Variants in CYTH3 observed in about 807,000 individuals in gnomAD.
The protein encoded by CYTH3 is cytohesin-3.
Under a neutral mutation model 55.1 loss-of-function variants are expected in CYTH3, and 23 were observed. That is an observed-to-expected ratio of 0.42 (90% CI 0.30 to 0.59). CYTH3 has a LOEUF of 0.59. Ranked by LOEUF, CYTH3 falls within the 20% of genes least tolerant of loss-of-function variation. CYTH3 has a pLI of 0.20. For synonymous variants in CYTH3, 249 were observed against 194.9 expected (o/e 1.28, Z -2.31); for missense variants, 413 against 524.8 (o/e 0.79, Z 2.08).
At chr7:6,256,503 T>C (rs1293216867) in intron 1 of CYTH3, among the ~76,000 whole-genome samples, 2 of 152,242 alleles carry the variant, frequency 1.3e-5, no homozygotes, top group African/African-American at 4.8e-5. Context: ...TACCTTTAGA[T>C]GCAAGACAGT....
chr7:6,217,596 T>C (rs1412594046), intron 1 of CYTH3, among the ~76,000 whole-genome samples: 1 of 152,228 alleles, frequency 6.6e-6, no homozygotes, highest in East Asian at 1.9e-4. Flanking sequence ...TCAACAATTA[T>C]AGTCAGAGAA....
chr7:6,229,000 C>T (rs2128553153), intron 1 of CYTH3, among the ~76,000 whole-genome samples: 1 of 152,290 alleles, frequency 6.6e-6, no homozygotes, highest in South Asian at 2.1e-4. Flanking sequence ...GAACAGGATA[C>T]AGAAAGCCAC....
chr7:6,170,451 C>T lies in CYTH3; in HGVS notation c.823+84G>A. The T allele has an allele frequency of 2.3e-6, 3 of 1,297,438 alleles. No homozygotes were observed. Among genetic ancestry groups the T allele is most frequent in the Non-Finnish European group, 2.2e-6 (2 of 928,858 alleles). The allele number at this position is 1,297,438 out of a possible 1,614,324, so 80.4% of individuals were successfully genotyped here. A position where few individuals can be genotyped will look rare whatever the true frequency, so the allele number is the denominator to read the frequency against. The stretch of plus-strand genomic sequence containing the variant: ...TCTCTGCCTGCGGTGGGGGGCATTC[C>T]TACGATGAGCCTGGGAGGAACCCGA... On this transcript the variant is annotated intron_variant, in intron 9 of 12. Transcript: ENST00000350796. The surrounding 1 kb of genome is among the most constrained non-coding windows in gnomAD (Gnocchi z 7.8).
chr7:6,187,266 G>A (rs937806341), intron 3 of CYTH3, 150 bp from the exon 4 acceptor site: 18 of 734,032 alleles, frequency 2.5e-5, no homozygotes, highest in Non-Finnish European at 2.8e-5. Flanking sequence ...CCGCAGTGGC[G>A]GCAGGGGTGG....
intron 1 of CYTH3, among the ~76,000 whole-genome samples, chr7:6,266,489 C>T (rs576223412): frequency 2.0e-5 from 3 of 152,200 alleles, no homozygotes; most frequent in Non-Finnish European, 4.4e-5. Flanking sequence ...TCAGCGGCTT[C>T]ATGTACTTAG....
At chr7:6,226,164 G>C (rs987658621) in intron 1 of CYTH3, among the ~76,000 whole-genome samples, 4 of 152,138 alleles carry the variant, frequency 2.6e-5, no homozygotes, top group Non-Finnish European at 5.9e-5. Context: ...ATCTGTGATT[G>C]GCTTCCTTTT....
At chr7:6,214,355 T>A (rs139892438) in intron 1 of CYTH3, among the ~76,000 whole-genome samples, 1 of 152,228 alleles carries the variant, frequency 6.6e-6, no homozygotes, top group Admixed American at 6.5e-5. Flanking sequence ...TTTAAAAGCC[T>A]TGACTATTAG....
intron 1 of CYTH3, among the ~76,000 whole-genome samples, chr7:6,266,243 G>A (rs898441578): frequency 6.6e-6 from 1 of 152,036 alleles, no homozygotes; most frequent in Non-Finnish European, 1.5e-5. Flanking sequence ...TTGAGAATAC[G>A]GATTCTGAAA....
At position 6,186,783 on chromosome 7, in the gene CYTH3, G is replaced by A. The variant is rs368948393; in HGVS notation, c.249+267C>T. 3.6e-4 allele frequency among the ~76,000 whole-genome samples: 55 copies of A among 152,258 alleles called. 2 individuals carry two copies. The Middle Eastern group carries it at 0.027, about 75-fold the overall frequency. ...AGCCAAGCCCGGCCTGTGCTGAGTCGTCCAAGCCGTGCCTGTGAGGCTGCT... is the reference window on the plus strand; with the variant it reads ...AGCCAAGCCCGGCCTGTGCTGAGTCATCCAAGCCGTGCCTGTGAGGCTGCT... On this transcript the variant is annotated intron_variant, in intron 4 of 12. Transcript: ENST00000350796.
Position 6,203,195 on chromosome 7 carries a change from C to CA in CYTH3, c.35-12665dup, listed in dbSNP as rs565714024. 5.9e-3 allele frequency among the ~76,000 whole-genome samples: 753 copies of CA among 127,010 alleles called. 2 individuals are homozygous for CA. The highest frequency in any genetic ancestry group is 0.014 in the South Asian group (54 of 3,958). 83.3% of individuals were successfully genotyped at this position (127,010 alleles called of 152,430 possible). On this transcript the variant is annotated intron_variant, in intron 1 of 12. Coordinates refer to ENST00000350796, the MANE Select transcript of CYTH3 (RefSeq NM_004227.4). ...GTAAAAATAAAATTTTTCCCAAAGG[C>CA]AAAAAAAAAAAAATGTTGAAGATCT...
intron 1 of CYTH3, among the ~76,000 whole-genome samples, chr7:6,263,775 G>A (rs929646022): frequency 6.7e-6 from 1 of 150,058 alleles, no homozygotes; most frequent in African/African-American, 2.5e-5. Context: ...TCCAGCCTGG[G>A]AAACAGAGTG....
Position 6,170,440 on chromosome 7 carries a change from G to A in CYTH3, c.823+95C>T, listed in dbSNP as rs1783143735. The A allele has an allele frequency of 8.8e-7, 1 of 1,133,546 alleles. No individual in the cohort carries two copies. Among genetic ancestry groups the A allele is most frequent in the Non-Finnish European group, 1.3e-6 (1 of 786,714 alleles). 70.2% of individuals were successfully genotyped at this position (1,133,546 alleles called of 1,614,324 possible). ...TCTTTTTAACGTCTCTGCCTGCGGT[G>A]GGGGGCATTCCTACGATGAGCCTGG... On this transcript the variant is annotated intron_variant, in intron 9 of 12. Coordinates refer to ENST00000350796, the MANE Select transcript of CYTH3 (RefSeq NM_004227.4). The surrounding 1 kb of genome is among the most constrained non-coding windows in gnomAD (Gnocchi z 7.8).
intron 1 of CYTH3, among the ~76,000 whole-genome samples, chr7:6,256,900 A>T (rs1284905691): frequency 1.3e-5 from 2 of 152,226 alleles, no homozygotes; most frequent in African/African-American, 4.8e-5. Context: ...AAGAGCTAGC[A>T]GACTTCAAGA....
At chr7:6,182,792 G>A (rs1035575244) in intron 4 of CYTH3, among the ~76,000 whole-genome samples, 3 of 152,112 alleles carry the variant, frequency 2.0e-5, no homozygotes, top group Non-Finnish European at 4.4e-5. Flanking sequence ...TTATAGGCAT[G>A]AGCCGCCCTC....
At chr7:6,224,916 C>T (rs950378559) in intron 1 of CYTH3, among the ~76,000 whole-genome samples, 3 of 152,026 alleles carry the variant, frequency 2.0e-5, no homozygotes, top group Admixed American at 6.5e-5. Flanking sequence ...AACCTGAAAA[C>T]GTTATGTGAA....
Position 6,192,874 on chromosome 7 carries a change from A to G in CYTH3, c.35-2343T>C, listed in dbSNP as rs1021696627. Among the ~76,000 whole-genome samples, 13 of 152,100 alleles carry G rather than the reference A, an allele frequency of 8.5e-5. No individual in the cohort carries two copies. In the Middle Eastern group the frequency reaches 0.01, roughly 119 times the overall value. ...AAAGACATAACAACTCCGTGCTTAG[A>G]AAATGGGCAAATGGGGCCAGACACA... On this transcript the variant is annotated intron_variant, in intron 1 of 12. Transcript: ENST00000350796.
In CYTH3 at chr7:6,177,803, T is replaced by A. The variant is rs373098282; in HGVS notation, c.368+20A>T. ...GGCTGAGTGGCCCCAGGTAGGGCTT[T>A]GCATCCTCCTCTAACTCACCTTTCA... On this transcript the variant is annotated intron_variant, in intron 5 of 12. Transcript: ENST00000350796. The A allele has an allele frequency of 1.3e-5, 20 of 1,589,882 alleles. No homozygotes were observed. In the African/African-American group the frequency reaches 2.5e-4, roughly 20 times the overall value.
chr7:6,269,561 T>C (rs1325041636), intron 1 of CYTH3, among the ~76,000 whole-genome samples: 2 of 127,884 alleles, frequency 1.6e-5, no homozygotes, highest in Non-Finnish European at 3.2e-5. Context: ...ACAATCCCAA[T>C]GAGCCAAACT....
chr7:6,181,793 A>G lies in CYTH3; in HGVS notation c.250-3852T>C, dbSNP rs1783510237. Among the ~76,000 whole-genome samples the G allele has an allele frequency of 2.0e-5, 3 of 152,278 alleles. No individual in the cohort carries two copies. In the South Asian group the frequency reaches 6.2e-4, roughly 32 times the overall value. On this transcript the variant is annotated intron_variant, in intron 4 of 12. Transcript: ENST00000350796. Reference sequence around the variant, plus strand: ...TGCATGTTTTCTTGTAGGTCTCTGCAAAACTGAATAAAGAATTCTTAAACT... The same window carrying G: ...TGCATGTTTTCTTGTAGGTCTCTGCGAAACTGAATAAAGAATTCTTAAACT...
Sources: gnomAD v4.1 joint callset for allele counts (sites outside exome capture counted in the v4.1 genomes callset) on GRCh38, gnomAD v4.1.1 for gene constraint, Gnocchi (gnomAD v3.1) non-coding constraint, MANE v1.5 for transcripts, NCBI Gene and HGNC (gene_info 2026-07-23, HGNC 2026-07-21) for gene names.